Variants in WDR70 observed in about 807,000 individuals in gnomAD.
The protein encoded by WDR70 is WD repeat domain 70, also known as WD repeat-containing protein 70.
WDR70 carries 53 observed loss-of-function variants against 88.6 expected under a neutral mutation model. That is an observed-to-expected ratio of 0.60 (90% CI 0.48 to 0.75). The LOEUF (loss-of-function observed/expected upper bound fraction) is 0.75. Ranked by LOEUF, WDR70 falls within the 30% of genes least tolerant of loss-of-function variation. The probability of loss-of-function intolerance (pLI) is 0.00; values close to 1 mark genes in which losing one functional copy is unlikely to be tolerated. For missense variants in WDR70, 610 were observed against 823.2 expected, an observed-to-expected ratio of 0.74 and a Z score of 3.17; for synonymous variants, 280 against 270.0, an observed-to-expected ratio of 1.04 and a Z score of -0.36.
At chr5:37,484,497 T>C (rs1739793779) in intron 8 of WDR70, among the ~76,000 whole-genome samples, 1 of 152,076 alleles carries the variant, frequency 6.6e-6, no homozygotes, top group Non-Finnish European at 1.5e-5. Context: ...TGAGCCGAGA[T>C]GGCAGCAGTA....
intron 10 of WDR70, among the ~76,000 whole-genome samples, chr5:37,620,374 A>G (rs1471541058): frequency 1.3e-5 from 2 of 152,194 alleles, no homozygotes; most frequent in East Asian, 3.8e-4. Flanking sequence ...TAAAGAGCAA[A>G]TCACTCCATT....
chr5:37,445,612 C>A (rs570026989), intron 7 of WDR70, among the ~76,000 whole-genome samples: 9 of 152,248 alleles, frequency 5.9e-5, no homozygotes, highest in African/African-American at 2.2e-4. Context: ...GGCTTCATCC[C>A]TGGGATGCAA....
chr5:37,742,289 C>T, intron 17 of WDR70, among the ~76,000 whole-genome samples: 1 of 149,138 alleles, frequency 6.7e-6, no homozygotes, highest in Non-Finnish European at 1.5e-5. Flanking sequence ...TCAACAGTAG[C>T]CATTCTTGTG....
At chr5:37,557,959 T>TTTGAAAACCCTTCAAA in intron 9 of WDR70, among the ~76,000 whole-genome samples, 1 of 146,506 alleles carries the variant, frequency 6.8e-6, no homozygotes. Flanking sequence ...AAAAGAGTAT[T>TTTGAAAACCCTTCAAA]ATGTATATTT....
At chr5:37,623,392 A>C (rs1744570155) in intron 10 of WDR70, among the ~76,000 whole-genome samples, 1 of 152,164 alleles carries the variant, frequency 6.6e-6, no homozygotes, top group African/African-American at 2.4e-5. Context: ...TTATTCACCA[A>C]GTAGTAAACT....
In WDR70 at chr5:37,498,432, C is replaced by T. The variant is rs1208644501; in HGVS notation, c.841-18082C>T. ...ATATCCCAGGGCTCAGTGTTGAGCCCTCTTTTGTATTATGCTTCTGCCTCT... is the reference window on the plus strand; with the variant it reads ...ATATCCCAGGGCTCAGTGTTGAGCCTTCTTTTGTATTATGCTTCTGCCTCT... On this transcript the variant is annotated intron_variant, in intron 8 of 17. Transcript: ENST00000265107. Among the ~76,000 whole-genome samples, 7 of 152,114 alleles carry T rather than the reference C, an allele frequency of 4.6e-5. No homozygotes were observed. The East Asian group carries it at 1.3e-3, about 29-fold the overall frequency.
intron 5 of WDR70, among the ~76,000 whole-genome samples, chr5:37,433,466 G>T (rs1481265121): frequency 6.6e-6 from 1 of 152,168 alleles, no homozygotes; most frequent in Non-Finnish European, 1.5e-5. Context: ...TGGCTTTTAT[G>T]TATACAGTTG....
intron 5 of WDR70, among the ~76,000 whole-genome samples, chr5:37,410,454 T>C (rs1749491701): frequency 1.3e-5 from 2 of 152,052 alleles, no homozygotes; most frequent in Non-Finnish European, 2.9e-5. Flanking sequence ...TGAAATATAA[T>C]TTCCTCTAAG....
intron 10 of WDR70, among the ~76,000 whole-genome samples, chr5:37,616,503 A>G (rs902685039): frequency 6.6e-5 from 10 of 151,582 alleles, no homozygotes; most frequent in African/African-American, 2.4e-4. Flanking sequence ...TATACTAAAC[A>G]CTCCACCCTA....
At chr5:37,497,164 TCCC>T (rs1435052775) in intron 8 of WDR70, among the ~76,000 whole-genome samples, 1 of 146,990 alleles carries the variant, frequency 6.8e-6, no homozygotes, top group Non-Finnish European at 1.5e-5. Context: ...CTTCACTCCC[TCCC>T]TCCTTCCCTC....
chr5:37,632,221 A>G (rs765984958), intron 10 of WDR70, among the ~76,000 whole-genome samples: 2 of 152,236 alleles, frequency 1.3e-5, no homozygotes, highest in Non-Finnish European at 2.9e-5. Flanking sequence ...TTATGCTGCC[A>G]GTAGTATAAA....
chr5:37,643,194 C>A (rs1486744294), intron 10 of WDR70, among the ~76,000 whole-genome samples: 2 of 152,034 alleles, frequency 1.3e-5, no homozygotes, highest in Non-Finnish European at 2.9e-5. Context: ...TTTCATTCTT[C>A]TGTATATGGA....
intron 10 of WDR70, among the ~76,000 whole-genome samples, chr5:37,690,234 G>C (rs536739689): frequency 6.6e-6 from 1 of 152,336 alleles, no homozygotes; most frequent in Non-Finnish European, 1.5e-5. Context: ...ATCTATGTTT[G>C]ATTGGTGTAC....
chr5:37,682,682 A>G (rs1406438716), intron 10 of WDR70, among the ~76,000 whole-genome samples: 1 of 152,164 alleles, frequency 6.6e-6, no homozygotes, highest in Admixed American at 6.5e-5. Context: ...TTATTTATCC[A>G]AAAGTCATTC....
intron 11 of WDR70, 74 bp from the exon 12 acceptor site, chr5:37,700,984 A>G (rs1747143757): frequency 2.3e-6 from 2 of 860,982 alleles, no homozygotes; most frequent in African/African-American, 3.4e-5. Flanking sequence ...AGTTTAGCAG[A>G]CTCTAAACTG....
intron 13 of WDR70, among the ~76,000 whole-genome samples, chr5:37,718,887 A>G (rs771745703): frequency 2.6e-5 from 4 of 152,194 alleles, no homozygotes; most frequent in Non-Finnish European, 5.9e-5. Context: ...CTAGTGGGGA[A>G]GGCAGACAAT....
chr5:37,587,507 A>G (rs557932518), intron 9 of WDR70, among the ~76,000 whole-genome samples: 1 of 151,334 alleles, frequency 6.6e-6, no homozygotes, highest in Non-Finnish European at 1.5e-5. Flanking sequence ...CAAAAGTCAC[A>G]CCTCTATAGA....
chr5:37,561,594 T>A (rs1289831772), intron 9 of WDR70, among the ~76,000 whole-genome samples: 1 of 152,212 alleles, frequency 6.6e-6, no homozygotes. Context: ...GTTGGCATGG[T>A]GCTAAAGCTT....
rs74338650 is a variant in WDR70 at position 37,571,490 on chromosome 5, T to G, written c.918-33574T>G. Among the ~76,000 whole-genome samples the G allele has an allele frequency of 3.4e-3, 513 of 152,316 alleles. 1 individual carries two copies. The highest frequency in any genetic ancestry group is 5.8e-3 in the Non-Finnish European group (395 of 68,022). ...TTTGATAACTTCTGGAGGATTATTT[T>G]AAGTCCATGTATTCATTTGTTTAAG... On this transcript the variant is annotated intron_variant, in intron 9 of 17. Coordinates refer to ENST00000265107, the MANE Select transcript of WDR70 (RefSeq NM_018034.4).
Sources: allele counts gnomAD v4.1 joint callset (sites outside exome capture counted in the v4.1 genomes callset), GRCh38; gene constraint gnomAD v4.1.1; transcripts MANE v1.5; gene names NCBI Gene and HGNC (gene_info 2026-07-23, HGNC 2026-07-21).